Variants in PLXNA2 observed in about 807,000 individuals in gnomAD.
PLXNA2 encodes plexin A2.
A neutral mutation model predicts 193.5 loss-of-function variants in PLXNA2; 91 were observed. The observed-to-expected ratio is 0.47, with a 90% CI of 0.40 to 0.56. The LOEUF (loss-of-function observed/expected upper bound fraction) is 0.56, where lower values mean the gene tolerates loss of function less well. Ranked by LOEUF, PLXNA2 falls within the 20% of genes least tolerant of loss-of-function variation. PLXNA2 has a pLI of 0.00. For synonymous variants in PLXNA2, 997 were observed against 1,027.3 expected (o/e 0.97, Z 0.56); for missense variants, 1,995 against 2,503.2 (o/e 0.80, Z 4.33).
chr1:208,229,644 G>A (rs1177154221), intron 1 of PLXNA2, among the ~76,000 whole-genome samples: 2 of 152,214 alleles, frequency 1.3e-5, no homozygotes, highest in Non-Finnish European at 2.9e-5. Context: ...CTAGATGGGT[G>A]AGGTGGGAAG....
intron 3 of PLXNA2, among the ~76,000 whole-genome samples, chr1:208,163,505 C>T (rs1455605448): frequency 6.6e-6 from 1 of 152,076 alleles, no homozygotes; most frequent in African/African-American, 2.4e-5. Flanking sequence ...TCACCTTTGC[C>T]TGGGATGGCT....
At chr1:208,066,555 A>G (rs1319021567) in intron 12 of PLXNA2, among the ~76,000 whole-genome samples, 1 of 152,206 alleles carries the variant, frequency 6.6e-6, no homozygotes, top group Non-Finnish European at 1.5e-5. Flanking sequence ...AGCATATACA[A>G]TTATGTACAG....
Position 208,092,822 on chromosome 1 carries a change from GGTGGTGGGGTCATGA to G in PLXNA2, c.2046_2060del (p.His683_Thr687del). The G allele has an allele frequency of 6.2e-7, 1 of 1,613,972 alleles. No homozygotes were observed. Among genetic ancestry groups the G allele is most frequent in the South Asian group, 1.1e-5 (1 of 91,042 alleles). On this transcript the variant is annotated inframe_deletion, in exon 9 of 32. Coordinates refer to ENST00000367033, the MANE Select transcript of PLXNA2 (RefSeq NM_025179.4). ...TGATCCGGCCCTCCTGGAAGGAGCA[GGTGGTGGGGTCATGA>G]GTGCAGAGGTTGCGGTACTTGCACC... is the stretch of plus-strand genomic sequence containing the variant.
intron 1 of PLXNA2, among the ~76,000 whole-genome samples, chr1:208,218,282 A>G (rs1288509604): frequency 6.6e-6 from 1 of 151,948 alleles, no homozygotes; most frequent in Non-Finnish European, 1.5e-5. Flanking sequence ...CATCGTTTTC[A>G]TCTCCCAGAG....
chr1:208,091,358 A>G (rs1021962995), intron 9 of PLXNA2, among the ~76,000 whole-genome samples: 3 of 152,246 alleles, frequency 2.0e-5, no homozygotes, highest in Admixed American at 6.5e-5. Context: ...CAGCACTGCT[A>G]TCAAGATTAG....
At chr1:208,039,560 G>A in intron 24 of PLXNA2, 61 bp downstream of exon 24, 1 of 1,603,158 alleles carries the variant, frequency 6.2e-7, no homozygotes, top group Non-Finnish European at 8.5e-7. Context: ...TGGACAGAAG[G>A]CAGAGCAAGG....
At chr1:208,029,305 T>C in intron 29 of PLXNA2, 1 of 1,279,158 alleles carries the variant, frequency 7.8e-7, no homozygotes. Flanking sequence ...GTGTGTTCTG[T>C]TCCCTTCTGG....
chr1:208,142,235 C>T, intron 4 of PLXNA2, 94 bp downstream of exon 4: 2 of 1,376,378 alleles, frequency 1.5e-6, no homozygotes, highest in Non-Finnish European at 1.9e-6. Context: ...GCCCAGAGGT[C>T]TCTCTTCTTG....
At chr1:208,085,084 G>GT (rs56180457) in intron 9 of PLXNA2, among the ~76,000 whole-genome samples, 74,753 of 144,730 alleles carry the variant, frequency 0.52, 19,401 homozygotes, top group South Asian at 0.68. Flanking sequence ...CACTTGCTCT[G>GT]TTTTTTTTTT....
At chr1:208,057,383 G>A (rs1490354139) in intron 13 of PLXNA2, among the ~76,000 whole-genome samples, 2 of 152,222 alleles carry the variant, frequency 1.3e-5, no homozygotes, top group Non-Finnish European at 2.9e-5. Flanking sequence ...GATTTAATGG[G>A]ATGCTCTGTA....
At position 208,137,321 on chromosome 1, in the gene PLXNA2, A is replaced by G. The variant is rs184778156; in HGVS notation, c.1506+5008T>C. On this transcript the variant is annotated intron_variant, in intron 4 of 31. Coordinates refer to ENST00000367033, the MANE Select transcript of PLXNA2 (RefSeq NM_025179.4). ...CAAACTAATTAAAGTATAAAATAGA[A>G]TAATTGCTTCCATCCCTATACTCTT... 1.5e-3 allele frequency among the ~76,000 whole-genome samples: 225 copies of G among 152,350 alleles called. 1 individual carries two copies. Among genetic ancestry groups the G allele is most frequent in the African/African-American group, 5.3e-3 (221 of 41,576 alleles).
Position 208,175,683 on chromosome 1 carries a change from G to A in PLXNA2, c.1372-33220C>T, listed in dbSNP as rs116364133. On this transcript the variant is annotated intron_variant, in intron 3 of 31. Transcript: ENST00000367033. ...CTGGGGCCAGCTGTCTCCACAACAG[G>A]AATCACTGCTCCCCAGGGGAATGGG... is the stretch of plus-strand genomic sequence containing the variant. 7.5e-3 allele frequency among the ~76,000 whole-genome samples: 1,149 copies of A among 152,260 alleles called. 15 individuals carry two copies. Among genetic ancestry groups the A allele is most frequent in the African/African-American group, 0.026 (1,065 of 41,542 alleles).
At chr1:208,066,547 C>T (rs1305350048) in intron 12 of PLXNA2, among the ~76,000 whole-genome samples, 1 of 152,206 alleles carries the variant, frequency 6.6e-6, no homozygotes, top group African/African-American at 2.4e-5. Context: ...GAAAGCCTAG[C>T]ATATACAATT....
intron 22 of PLXNA2, among the ~76,000 whole-genome samples, chr1:208,040,533 A>C (rs1050256207): frequency 2.6e-5 from 4 of 152,102 alleles, no homozygotes; most frequent in African/African-American, 7.2e-5. Flanking sequence ...TCAAGGTTAG[A>C]CTTCCTTGGG....
chr1:208,115,552 G>A (rs766296689), intron 4 of PLXNA2, among the ~76,000 whole-genome samples: 2 of 152,124 alleles, frequency 1.3e-5, no homozygotes, highest in Admixed American at 6.5e-5. Context: ...ACACCATACC[G>A]CCTCTTAGAC....
intron 1 of PLXNA2, among the ~76,000 whole-genome samples, chr1:208,229,235 G>A (rs186965135): frequency 3.3e-4 from 50 of 152,242 alleles, no homozygotes; most frequent in Admixed American, 2.9e-3. Flanking sequence ...GAGGTGGAGA[G>A]GCTAGAATCA....
At chr1:208,159,994 T>A (rs1040784869) in intron 3 of PLXNA2, among the ~76,000 whole-genome samples, 1 of 152,140 alleles carries the variant, frequency 6.6e-6, no homozygotes, top group African/African-American at 2.4e-5. Context: ...AGGCCATGGA[T>A]GGATTCCAGA....
chr1:208,167,749 G>A (rs1669357276), intron 3 of PLXNA2, among the ~76,000 whole-genome samples: 1 of 152,196 alleles, frequency 6.6e-6, no homozygotes, highest in African/African-American at 2.4e-5. Flanking sequence ...TAATGACTAT[G>A]TTTCTGCTTA....
At chr1:208,077,926 T>C (rs1666212201) in intron 12 of PLXNA2, among the ~76,000 whole-genome samples, 1 of 152,160 alleles carries the variant, frequency 6.6e-6, no homozygotes, top group South Asian at 2.1e-4. Context: ...CAGCCCTGCA[T>C]TGTCCGGGAT....
Sources: gnomAD v4.1 joint callset for allele counts (sites outside exome capture counted in the v4.1 genomes callset) on GRCh38, gnomAD v4.1.1 for gene constraint, MANE v1.5 for transcripts, NCBI Gene and HGNC (gene_info 2026-07-23, HGNC 2026-07-21) for gene names.